Variants in ADAMTS17 observed in about 807,000 individuals in gnomAD.
The protein encoded by ADAMTS17 is A disintegrin and metalloproteinase with thrombospondin motifs 17.
A neutral mutation model predicts 141.5 loss-of-function variants in ADAMTS17; 113 were observed. That is an observed-to-expected ratio of 0.80 (90% CI 0.69 to 0.93). The LOEUF is 0.93. ADAMTS17 is among the 40% of genes least tolerant of loss of function. ADAMTS17 has a pLI of 0.00. For synonymous variants in ADAMTS17, 768 were observed against 630.6 expected, an observed-to-expected ratio of 1.22 and a Z score of -3.27; for missense variants, 1,659 against 1,517.9, an observed-to-expected ratio of 1.09 and a Z score of -1.54.
intron 7 of ADAMTS17, among the ~76,000 whole-genome samples, chr15:100,230,938 G>A (rs1339146643): frequency 6.6e-6 from 1 of 152,140 alleles, no homozygotes; most frequent in Non-Finnish European, 1.5e-5. Context: ...ACGGGGGGAG[G>A]AGACAGAGGG....
Position 99,974,137 on chromosome 15 carries a change from C to A in ADAMTS17, c.*265G>T. 1 of 532,210 alleles carries A rather than the reference C, an allele frequency of 1.9e-6. No individual in the cohort carries two copies. The highest frequency in any genetic ancestry group is 3.4e-6 in the Non-Finnish European group (1 of 294,156). 33.0% of individuals were successfully genotyped at this position (532,210 alleles called of 1,614,324 possible). ...GACGGTTGTCTGCCAGAGGTGCTTC[C>A]CTTCGAGGTACCTGAAATCCTAGAA... On this transcript the variant is annotated 3_prime_UTR_variant, in exon 22 of 22. Coordinates refer to ENST00000268070, the MANE Select transcript of ADAMTS17 (RefSeq NM_139057.4).
rs545088288 is a variant in ADAMTS17, at chr15:100,102,541, A to C, written c.2017-6065T>G. On this transcript the variant is annotated intron_variant, in intron 14 of 21. Transcript: ENST00000268070. ...TACATTTGAGGGCCGACCGAAGGGGATCTACATTTGAAGGCCGACCGAAGG... is the reference window on the plus strand; with the variant it reads ...TACATTTGAGGGCCGACCGAAGGGGCTCTACATTTGAAGGCCGACCGAAGG... Among the ~76,000 whole-genome samples, 86 of 127,096 alleles carry C rather than the reference A, an allele frequency of 6.8e-4. 1 individual carries two copies. Among genetic ancestry groups the C allele is most frequent in the Non-Finnish European group, 1.0e-3 (61 of 59,096 alleles). The allele number at this position is 127,096 out of a possible 152,430, so 83.4% of individuals were successfully genotyped here.
At chr15:100,015,869 T>G (rs1295426898) in intron 18 of ADAMTS17, among the ~76,000 whole-genome samples, 3 of 152,224 alleles carry the variant, frequency 2.0e-5, no homozygotes, top group Admixed American at 6.5e-5. Context: ...TTGCGATGCA[T>G]TTCCCACGTG....
Position 100,072,420 on chromosome 15 carries a change from T to C in ADAMTS17, c.2138-18366A>G, listed in dbSNP as rs570648245. On this transcript the variant is annotated intron_variant, in intron 15 of 21. Transcript: ENST00000268070. The stretch of plus-strand genomic sequence containing the variant: ...GGAAAAAACTACTTTAAAGTTCCTA[T>C]GGAACCAAAAAAGAGCCCGCATTGC... 5.9e-4 allele frequency among the ~76,000 whole-genome samples: 89 copies of C among 149,700 alleles called. 6 individuals are homozygous for C. The highest frequency in any genetic ancestry group is 8.3e-4 in the Non-Finnish European group (56 of 67,358).
intron 18 of ADAMTS17, among the ~76,000 whole-genome samples, chr15:100,003,776 A>C (rs1238131783): frequency 1.3e-5 from 2 of 152,110 alleles, no homozygotes; most frequent in African/African-American, 4.8e-5. Context: ...CCAAAGGAGA[A>C]ATCCTGTGCA....
intron 20 of ADAMTS17, chr15:99,976,455 C>T: frequency 1.6e-6 from 1 of 631,314 alleles, no homozygotes; most frequent in Non-Finnish European, 2.8e-6. Context: ...TGCCCCTGGG[C>T]TGGGCACTGT....
chr15:100,084,364 C>A (rs908996149), intron 15 of ADAMTS17, among the ~76,000 whole-genome samples: 11 of 152,180 alleles, frequency 7.2e-5, no homozygotes, highest in African/African-American at 2.7e-4. Context: ...CTGGGTGGAG[C>A]CCACCACAGC....
chr15:100,034,376 G>A (rs1464342424), intron 18 of ADAMTS17, among the ~76,000 whole-genome samples: 1 of 152,244 alleles, frequency 6.6e-6, no homozygotes, highest in Non-Finnish European at 1.5e-5. Flanking sequence ...CGTGCTGTGG[G>A]AGGCAGTGCT....
intron 14 of ADAMTS17, among the ~76,000 whole-genome samples, chr15:100,108,378 G>A (rs2036537671): frequency 6.6e-6 from 1 of 152,170 alleles, no homozygotes. Flanking sequence ...GTTTCACCCT[G>A]TTGGCCAGGC....
chr15:100,253,756 G>A (rs2043236230), intron 7 of ADAMTS17, among the ~76,000 whole-genome samples: 1 of 152,054 alleles, frequency 6.6e-6, no homozygotes, highest in Admixed American at 6.5e-5. Context: ...GCATGCATGA[G>A]AACAAACTGC....
At chr15:100,209,513 A>G (rs2041718709) in intron 7 of ADAMTS17, among the ~76,000 whole-genome samples, 1 of 152,172 alleles carries the variant, frequency 6.6e-6, no homozygotes, top group Admixed American at 6.5e-5. Flanking sequence ...CTACCATGAC[A>G]AGCCCTCCCT....
chr15:100,225,433 C>T (rs2042263360), intron 7 of ADAMTS17, among the ~76,000 whole-genome samples: 1 of 152,388 alleles, frequency 6.6e-6, no homozygotes, highest in Non-Finnish European at 1.5e-5. Flanking sequence ...TCATGCAGTC[C>T]TTAAGCAGTC....
intron 20 of ADAMTS17, chr15:99,976,676 C>G (rs866666729): frequency 2.7e-5 from 7 of 256,778 alleles, no homozygotes; most frequent in African/African-American, 4.5e-5. Context: ...GGGAAAGAGA[C>G]CCGAGCTTGC....
At chr15:100,192,061 A>C (rs2040938432) in intron 8 of ADAMTS17, among the ~76,000 whole-genome samples, 1 of 152,208 alleles carries the variant, frequency 6.6e-6, no homozygotes, top group Non-Finnish European at 1.5e-5. Context: ...TAAATACATA[A>C]ATAAAAGGAA....
chr15:99,985,568 TACTTG>T (rs554815074), intron 20 of ADAMTS17, among the ~76,000 whole-genome samples: 36 of 152,288 alleles, frequency 2.4e-4, no homozygotes, highest in Non-Finnish European at 4.7e-4. Flanking sequence ...AGCAGACAGA[TACTTG>T]ACTTAATAAC....
chr15:100,330,240 A>C (rs1272365972), intron 3 of ADAMTS17, among the ~76,000 whole-genome samples: 1 of 152,184 alleles, frequency 6.6e-6, no homozygotes, highest in Non-Finnish European at 1.5e-5. Context: ...CATACCCCAG[A>C]CTAAAACAGA....
rs558977857 is a variant in ADAMTS17, at chr15:100,307,340, C to T, written c.616+23549G>A. 5.3e-5 allele frequency among the ~76,000 whole-genome samples: 8 copies of T among 152,278 alleles called. No individual in the cohort carries two copies. In the South Asian group the frequency reaches 1.7e-3, roughly 32 times the overall value. The stretch of plus-strand genomic sequence containing the variant: ...TGACGGGGTTCACAGGCACCAAGGA[C>T]CACAAAAGCTGCAGCTGCCAGGGGC... On this transcript the variant is annotated intron_variant, in intron 3 of 21. Coordinates refer to ENST00000268070, the MANE Select transcript of ADAMTS17 (RefSeq NM_139057.4).
chr15:100,261,974 C>G (rs2043535745), intron 5 of ADAMTS17, among the ~76,000 whole-genome samples: 1 of 152,178 alleles, frequency 6.6e-6, no homozygotes, highest in Non-Finnish European at 1.5e-5. Flanking sequence ...TGGGAAGGCG[C>G]TCCATTGAAA....
intron 12 of ADAMTS17, among the ~76,000 whole-genome samples, chr15:100,123,545 C>T (rs1302222186): frequency 6.6e-6 from 1 of 152,192 alleles, no homozygotes; most frequent in Non-Finnish European, 1.5e-5. Flanking sequence ...GGACTGATCC[C>T]TGAGGACCGG....
Sources: allele counts gnomAD v4.1 joint callset (sites outside exome capture counted in the v4.1 genomes callset), GRCh38; gene constraint gnomAD v4.1.1; transcripts MANE v1.5; gene names NCBI Gene and HGNC (gene_info 2026-07-23, HGNC 2026-07-21).